The following BICDL1 variants were observed in gnomAD, a reference collection of about 807,000 sequenced individuals.
BICDL1 encodes the protein BICD family-like cargo adapter 1.
In BICDL1, 20 loss-of-function variants were observed where a neutral mutation model predicts 76.8. The ratio of observed to expected loss-of-function variants is 0.26; its 90% CI spans 0.18 to 0.38. The LOEUF (loss-of-function observed/expected upper bound fraction) is 0.38, where lower values mean the gene tolerates loss of function less well. BICDL1 is among the 10% of genes least tolerant of loss of function. The probability of loss-of-function intolerance (pLI) is 1.00; values close to 1 mark genes in which losing one functional copy is unlikely to be tolerated. For synonymous variants in BICDL1, 383 were observed against 337.1 expected, an observed-to-expected ratio of 1.14 and a Z score of -1.49; for missense variants, 700 against 798.6, an observed-to-expected ratio of 0.88 and a Z score of 1.49.
At chr12:120,005,475 A>G (rs1010914479) in intron 2 of BICDL1, among the ~76,000 whole-genome samples, 15 of 151,996 alleles carry the variant, frequency 9.9e-5, no homozygotes, top group African/African-American at 3.1e-4. Context: ...CTGGGTTTAA[A>G]TGATTCTTGT....
chr12:120,002,390 A>T (rs560663860), intron 2 of BICDL1, among the ~76,000 whole-genome samples: 1 of 152,308 alleles, frequency 6.6e-6, no homozygotes, highest in East Asian at 1.9e-4. Flanking sequence ...CTTGGATGTT[A>T]ATCAGTGCTG....
At chr12:120,041,555 A>G (rs900807981) in intron 2 of BICDL1, among the ~76,000 whole-genome samples, 1 of 152,218 alleles carries the variant, frequency 6.6e-6, no homozygotes, top group Non-Finnish European at 1.5e-5. Context: ...AGCTCGATTA[A>G]CAAAGAACTA....
intron 2 of BICDL1, among the ~76,000 whole-genome samples, chr12:120,041,399 CA>C (rs1192658364): frequency 6.6e-6 from 1 of 152,034 alleles, no homozygotes; most frequent in East Asian, 1.9e-4. Context: ...AACCTTAAGC[CA>C]AAAATGAGTT....
At chr12:120,092,326 A>AC in intron 9 of BICDL1, 1 of 985,390 alleles carries the variant, frequency 1.0e-6, no homozygotes, top group Non-Finnish European at 1.2e-6. Flanking sequence ...GGACGGTCCT[A>AC]CCCCAGTGAG....
At chr12:120,033,481 A>G (rs1952470231) in intron 2 of BICDL1, among the ~76,000 whole-genome samples, 2 of 146,274 alleles carry the variant, frequency 1.4e-5, no homozygotes, top group South Asian at 2.2e-4. Context: ...GGTTCACGCC[A>G]TTCTCCCACC....
In BICDL1 at chr12:120,071,729, C is replaced by T. The variant is rs552875554; in HGVS notation, c.1017C>T (p.Ala339=). 2.6e-5 allele frequency: 42 copies of T among 1,612,440 alleles called. No individual in the cohort carries two copies. The South Asian group carries it at 4.3e-4, about 16-fold the overall frequency. Residue 339 remains alanine, a synonymous_variant, in exon 5 of 10, where the codon GCC becomes GCT. Transcript: ENST00000548673. The surrounding 1 kb of genome is among the most constrained non-coding windows in gnomAD (Gnocchi z 4.8). The part of the protein sequence containing the change: ...TEERSLQSSA[A]TSTSLLSEIE... ...AGAGGAGTCTGCAGAGCTCTGCCGCCACCAGCACATCCCTCCTGTCAGAGA... is the reference window on the plus strand; with the variant it reads ...AGAGGAGTCTGCAGAGCTCTGCCGCTACCAGCACATCCCTCCTGTCAGAGA...
intron 6 of BICDL1, 131 bp downstream of exon 6, chr12:120,072,860 C>T: frequency 2.5e-6 from 2 of 787,296 alleles, no homozygotes; most frequent in Non-Finnish European, 4.0e-6. Flanking sequence ...TCTTCTGAGC[C>T]CTTATTGGTT....
intron 2 of BICDL1, among the ~76,000 whole-genome samples, chr12:120,040,327 G>A (rs1460434754): frequency 6.6e-6 from 1 of 152,094 alleles, no homozygotes. Context: ...CTGACCTCAG[G>A]TGATCTGCCC....
Position 120,093,186 on chromosome 12 carries a change from G to C in BICDL1, c.*25G>C. Reference sequence around the variant, plus strand: ...AGTTGGGAGGAGTCAGGCCACCAAAGATGGGTGGACTGGAGGCAGCTGGAA... The same window carrying C: ...AGTTGGGAGGAGTCAGGCCACCAAACATGGGTGGACTGGAGGCAGCTGGAA... On this transcript the variant is annotated 3_prime_UTR_variant, in exon 10 of 10. Transcript: ENST00000548673. 1 of 1,564,368 alleles carries C rather than the reference G, an allele frequency of 6.4e-7. No homozygotes were observed. The highest frequency in any genetic ancestry group is 1.2e-5 in the South Asian group (1 of 86,146).
intron 4 of BICDL1, among the ~76,000 whole-genome samples, chr12:120,067,341 C>G (rs889939387): frequency 6.6e-6 from 1 of 152,242 alleles, no homozygotes; most frequent in Non-Finnish European, 1.5e-5. Flanking sequence ...AGACCTTGCT[C>G]TAATGCTGAT....
chr12:120,026,882 G>T (rs1213757024), intron 2 of BICDL1, among the ~76,000 whole-genome samples: 1 of 152,130 alleles, frequency 6.6e-6, no homozygotes, highest in Non-Finnish European at 1.5e-5. Flanking sequence ...TAGGAAGTTG[G>T]TTCACCCTAC....
chr12:119,997,449 A>C (rs1312063018), intron 1 of BICDL1, among the ~76,000 whole-genome samples: 2 of 152,184 alleles, frequency 1.3e-5, no homozygotes, highest in Non-Finnish European at 2.9e-5. Context: ...TGCTTGGCTC[A>C]TAGTAGGTGC....
chr12:120,089,283 T>C (rs1874729633), intron 8 of BICDL1, among the ~76,000 whole-genome samples: 1 of 133,770 alleles, frequency 7.5e-6, no homozygotes, highest in African/African-American at 3.6e-5. Flanking sequence ...TGTGTGTGTG[T>C]GTGTGTATGT....
At chr12:120,070,864 T>G (rs1433655560) in intron 4 of BICDL1, among the ~76,000 whole-genome samples, 3 of 151,002 alleles carry the variant, frequency 2.0e-5, no homozygotes, top group Non-Finnish European at 4.4e-5. Context: ...CCCGAGTAGC[T>G]GGGATTACAG....
chr12:120,069,993 T>A (rs1476616174), intron 4 of BICDL1, among the ~76,000 whole-genome samples: 1 of 152,240 alleles, frequency 6.6e-6, no homozygotes, highest in Admixed American at 6.5e-5. Context: ...GTATATTCTT[T>A]CATTGCTCTA....
At chr12:120,025,276 TCCTGA>T (rs1357393905) in intron 2 of BICDL1, among the ~76,000 whole-genome samples, 2 of 151,768 alleles carry the variant, frequency 1.3e-5, no homozygotes, top group Non-Finnish European at 2.9e-5. Context: ...GGTCTTGATC[TCCTGA>T]CCTCGTGATC....
At chr12:120,024,378 C>T (rs1952245774) in intron 2 of BICDL1, among the ~76,000 whole-genome samples, 1 of 152,048 alleles carries the variant, frequency 6.6e-6, no homozygotes, top group African/African-American at 2.4e-5. Flanking sequence ...TCATTAATAG[C>T]AGATTAGACA....
At chr12:120,057,413 G>A (rs949131240) in intron 2 of BICDL1, among the ~76,000 whole-genome samples, 6 of 152,028 alleles carry the variant, frequency 3.9e-5, no homozygotes, top group African/African-American at 1.2e-4. Context: ...TTCTTCAAAG[G>A]TTCTTCAAAG....
chr12:119,990,437 A>T (rs1330759610), intron 1 of BICDL1, 140 bp downstream of exon 1: 1 of 1,436,888 alleles, frequency 7.0e-7, no homozygotes, highest in Non-Finnish European at 9.3e-7. Context: ...TGGGGGAGGG[A>T]GGATGGAGGA....
Sources: allele counts gnomAD v4.1 joint callset (sites outside exome capture counted in the v4.1 genomes callset), GRCh38; gene constraint gnomAD v4.1.1; non-coding constraint Gnocchi (gnomAD v3.1); transcripts MANE v1.5; gene names NCBI Gene and HGNC (gene_info 2026-07-23, HGNC 2026-07-21).